The following MARVELD2 variants were observed in gnomAD, a reference collection of about 807,000 sequenced individuals.
The protein encoded by MARVELD2 is MARVEL domain-containing protein 2.
Under a neutral mutation model 57.6 loss-of-function variants are expected in MARVELD2, and 49 were observed. The ratio of observed to expected loss-of-function variants is 0.85; its 90% CI spans 0.68 to 1.08. The LOEUF is 1.08. Ranked by LOEUF, MARVELD2 falls within the 50% of genes least tolerant of loss-of-function variation. MARVELD2 has a pLI of 0.00. For missense variants in MARVELD2, 606 were observed against 701.1 expected (o/e 0.86, Z 1.53); for synonymous variants, 238 against 258.8 (o/e 0.92, Z 0.77).
chr5:69,424,753 G>GA, intron 3 of MARVELD2, 117 bp downstream of exon 3: 7 of 825,778 alleles, frequency 8.5e-6, no homozygotes, highest in Non-Finnish European at 1.4e-5. Context: ...GGCCAGGTGT[G>GA]GTGGCTCACA....
At chr5:69,440,542 T>C (rs759237882) in intron 6 of MARVELD2, 42 bp downstream of exon 6, 67 of 1,106,682 alleles carry the variant, frequency 6.1e-5, no homozygotes, top group Non-Finnish European at 9.0e-5. Flanking sequence ...CTTATCCAAG[T>C]ACATATGTGA....
At chr5:69,431,919 C>G (rs1766977063) in intron 3 of MARVELD2, among the ~76,000 whole-genome samples, 1 of 149,856 alleles carries the variant, frequency 6.7e-6, no homozygotes, top group Non-Finnish European at 1.5e-5. Context: ...TCACTGTAAC[C>G]TCTACCTCCT....
Position 69,443,247 on chromosome 5 carries a change from G to T in MARVELD2, c.*1593G>T, listed in dbSNP as rs1196432443. ...GAGTTTCGCTCTTGTTGCCCAGGCT[G>T]GAGTACAGTGGTATGATCTTGGCTC... On this transcript the variant is annotated 3_prime_UTR_variant, in exon 7 of 7. Transcript: ENST00000325631. 6.8e-6 allele frequency: 1 copy of T among 146,926 alleles called. No individual in the cohort carries two copies. Among genetic ancestry groups the T allele is most frequent in the African/African-American group, 2.5e-5 (1 of 39,652 alleles). The allele number at this position is 146,926 out of a possible 1,614,324, so 9.1% of individuals were successfully genotyped here.
At chr5:69,430,547 T>C (rs1418371860) in intron 3 of MARVELD2, among the ~76,000 whole-genome samples, 2 of 151,864 alleles carry the variant, frequency 1.3e-5, no homozygotes, top group Non-Finnish European at 2.9e-5. Flanking sequence ...TATTTATTTA[T>C]TTTTGAGACG....
At position 69,419,948 on chromosome 5, in the gene MARVELD2, C is replaced by T. The variant is rs1432208441; in HGVS notation, c.563C>T (p.Ser188Leu). 4.3e-6 allele frequency: 7 copies of T among 1,614,004 alleles called. No homozygotes were observed. The African/African-American group carries it at 5.3e-5, about 12-fold the overall frequency. The change falls in exon 2 of 7, where the codon TCG becomes TTG. Residue 188 changes from serine to leucine, a missense_variant. Transcript: ENST00000325631. The stretch of plus-strand genomic sequence containing the variant: ...AACCTGAGATACTCCTACATGAAGT[C>T]GTGGGCAGGCCTGCTGAGAATACTG... The part of the protein sequence containing the change: ...EYNLRYSYMK[S>L]WAGLLRILGV...
chr5:69,422,785 C>A (rs1019119705), intron 2 of MARVELD2, among the ~76,000 whole-genome samples: 1 of 152,234 alleles, frequency 6.6e-6, no homozygotes, highest in South Asian at 2.1e-4. Flanking sequence ...CATCACGGAA[C>A]CTGCCGACAT....
In MARVELD2 at chr5:69,432,375, A is replaced by G. The variant is rs1766990368; in HGVS notation, c.1183-152A>G. ...AGGCTGGTCTTGAACTCCTGGCCTC[A>G]TGTGATCCTCCGGCTTTGTCCTCCC... On this transcript the variant is annotated intron_variant, in intron 3 of 6. Transcript: ENST00000325631. 4.7e-6 allele frequency: 4 copies of G among 847,814 alleles called. No homozygotes were observed. The East Asian group carries it at 7.9e-5, about 17-fold the overall frequency. 52.5% of individuals were successfully genotyped at this position (847,814 alleles called of 1,614,324 possible).
chr5:69,434,746 G>A (rs969997910), intron 5 of MARVELD2, among the ~76,000 whole-genome samples: 2 of 151,980 alleles, frequency 1.3e-5, no homozygotes, highest in Non-Finnish European at 2.9e-5. Flanking sequence ...GCCCAGGCTG[G>A]AGTGCCATGG....
At chr5:69,429,210 C>T (rs927643320) in intron 3 of MARVELD2, among the ~76,000 whole-genome samples, 3 of 152,038 alleles carry the variant, frequency 2.0e-5, no homozygotes, top group African/African-American at 7.2e-5. Context: ...ATAACCTTCC[C>T]CTAGGGCTGG....
intron 2 of MARVELD2, 45 bp from the exon 3 acceptor site, chr5:69,424,556 G>T: frequency 1.3e-6 from 2 of 1,531,652 alleles, no homozygotes; most frequent in Non-Finnish European, 1.8e-6. Flanking sequence ...TTGCAAAGTA[G>T]CTTCACATGC....
intron 5 of MARVELD2, among the ~76,000 whole-genome samples, chr5:69,436,450 CACATAT>C (rs750095404): frequency 2.5e-3 from 232 of 93,072 alleles, no homozygotes; most frequent in East Asian, 0.015. Context: ...CACACACACA[CACATAT>C]ATATAAATTT....
chr5:69,419,758 A>C lies in MARVELD2; in HGVS notation c.373A>C (p.Asn125His). ...CSPPASPARP[N>H]HRSPLNSCKD... ...ACCACCAGCCTCTCCAGCAAGACCA[A>C]ACCACCGTTCGCCCCTCAACTCCTG... Residue 125 changes from asparagine to histidine, a missense_variant, in exon 2 of 7, where the codon AAC (asparagine) becomes CAC (histidine). Transcript: ENST00000325631. 1 of 1,614,052 alleles carries C rather than the reference A, an allele frequency of 6.2e-7. No individual in the cohort carries two copies.
At chr5:69,428,219 A>ATGTAGAAAACAAATTAAT (rs779747280) in intron 3 of MARVELD2, among the ~76,000 whole-genome samples, 5 of 118,114 alleles carry the variant, frequency 4.2e-5, no homozygotes, top group Admixed American at 8.8e-5. Flanking sequence ...AAAAAAATTT[A>ATGTAGAAAACAAATTAAT]GGCCGGGCAT....
chr5:69,432,621 G>A lies in MARVELD2; in HGVS notation c.1277G>A (p.Gly426Glu). Residue 426 changes from glycine (G) to glutamate (E), a missense_variant, in exon 4 of 7, where the codon GGA (glycine) becomes GAA (glutamate). Transcript: ENST00000325631. ...AAAATGAAACCTGAACTACTGAGTG[G>A]ACACATCCCCCCAGGCCACATTCCT... is the stretch of plus-strand genomic sequence containing the variant. ...TAKMKPELLSGHIPPGHIPKP... is the reference protein window; with the variant it reads ...TAKMKPELLSEHIPPGHIPKP... 6.2e-7 allele frequency: 1 copy of A among 1,614,118 alleles called. No homozygotes were observed.
At position 69,444,218 on chromosome 5, in the gene MARVELD2, G is replaced by A. The variant is rs1767406900; in HGVS notation, c.*2564G>A. 6.6e-6 allele frequency: 1 copy of A among 152,082 alleles called. No individual in the cohort carries two copies. Among genetic ancestry groups the A allele is most frequent in the South Asian group, 2.1e-4 (1 of 4,824 alleles). 9.4% of individuals were successfully genotyped at this position (152,082 alleles called of 1,614,324 possible). ...TTAAAGTTTCAGTCACCTGCCGTGT[G>A]TGTGTGTGCCCTTTTATGTTTGCCT... On this transcript the variant is annotated 3_prime_UTR_variant, in exon 7 of 7. Transcript: ENST00000325631.
In MARVELD2 at chr5:69,421,771, G is replaced by T. The variant is rs142379049; in HGVS notation, c.1146+1240G>T. ...GCCACCATGCCTGGCCCGTTTTTTG[G>T]TTTTTTTAATTTTCTTTTCTTTCTT... On this transcript the variant is annotated intron_variant, in intron 2 of 6. Coordinates refer to ENST00000325631, the MANE Select transcript of MARVELD2 (RefSeq NM_001038603.3). 3.2e-3 allele frequency among the ~76,000 whole-genome samples: 465 copies of T among 146,922 alleles called. 3 individuals are homozygous for T. Among genetic ancestry groups the T allele is most frequent in the African/African-American group, 0.011 (426 of 40,146 alleles).
chr5:69,425,767 C>G (rs926154420), intron 3 of MARVELD2, among the ~76,000 whole-genome samples: 34 of 148,566 alleles, frequency 2.3e-4, no homozygotes, highest in African/African-American at 7.9e-4. Context: ...GAGTCTCTGT[C>G]GCCCAGGCTG....
chr5:69,431,301 G>A (rs1162432514), intron 3 of MARVELD2, among the ~76,000 whole-genome samples: 1 of 151,748 alleles, frequency 6.6e-6, no homozygotes, highest in Non-Finnish European at 1.5e-5. Context: ...TTTTAGTAGA[G>A]ACAGGGTTTC....
At position 69,443,367 on chromosome 5, in the gene MARVELD2, T is replaced by A. The variant is rs1456441932; in HGVS notation, c.*1713T>A. On this transcript the variant is annotated 3_prime_UTR_variant, in exon 7 of 7. Transcript: ENST00000325631. The stretch of plus-strand genomic sequence containing the variant: ...GCACCCACCACCATGCCCAGCTAAT[T>A]TTTTGTATTTTTAGTAGAGACAGGA... The A allele has an allele frequency of 6.6e-6, 1 of 151,934 alleles. No homozygotes were observed. The highest frequency in any genetic ancestry group is 1.5e-5 in the Non-Finnish European group (1 of 68,014). The allele number at this position is 151,934 out of a possible 1,614,324, so 9.4% of individuals were successfully genotyped here. A position where few individuals can be genotyped will look rare whatever the true frequency, so the allele number is the denominator to read the frequency against.
Sources: gnomAD v4.1 joint callset for allele counts (sites outside exome capture counted in the v4.1 genomes callset) on GRCh38, gnomAD v4.1.1 for gene constraint, MANE v1.5 for transcripts, NCBI Gene and HGNC (gene_info 2026-07-23, HGNC 2026-07-21) for gene names.